The following CYTH4 variants were observed in gnomAD, a reference collection of about 807,000 sequenced individuals.
The protein encoded by CYTH4 is cytohesin-4.
Under a neutral mutation model 57.5 loss-of-function variants are expected in CYTH4, and 22 were observed. The observed-to-expected ratio is 0.38, with a 90% confidence interval of 0.27 to 0.55. CYTH4 has a LOEUF of 0.55. Among genes scored for constraint, CYTH4 ranks in the 20% least tolerant of loss-of-function variants. CYTH4 has a pLI of 0.74. For synonymous variants in CYTH4, 186 were observed against 206.5 expected (o/e 0.90, Z 0.85); for missense variants, 420 against 535.6 (o/e 0.78, Z 2.13).
intron 8 of CYTH4, among the ~76,000 whole-genome samples, chr22:37,308,901 CATGTATAT>C (rs1281791486): frequency 2.0e-5 from 3 of 151,940 alleles, no homozygotes; most frequent in Non-Finnish European, 4.4e-5. Context: ...TGTGTGTAAG[CATGTATAT>C]TTGTATATAT....
rs373910227 is a variant in CYTH4, at chr22:37,311,870, C to T, written c.958-150C>T. On this transcript the variant is annotated intron_variant, in intron 11 of 12. Coordinates refer to ENST00000248901, the MANE Select transcript of CYTH4 (RefSeq NM_013385.5). This position sits in a 1 kb window ranked among gnomAD's most constrained non-coding sequence, Gnocchi z 4.4. The stretch of plus-strand genomic sequence containing the variant: ...TCAGGAGCCTGCCACAGAGAGAGTG[C>T]TCAGTGTGGGAGCAGCAGCTCCTGC... 3.3e-4 allele frequency: 331 copies of T among 989,482 alleles called. 3 individuals are homozygous for T. Among genetic ancestry groups the T allele is most frequent in the East Asian group, 3.0e-3 (114 of 38,242 alleles). 61.3% of individuals were successfully genotyped at this position (989,482 alleles called of 1,614,324 possible).
rs1260533648 is a variant in CYTH4, at chr22:37,295,761, C to T, written c.168-238C>T. Among the ~76,000 whole-genome samples the T allele has an allele frequency of 6.6e-6, 1 of 152,256 alleles. No homozygotes were observed. Among genetic ancestry groups the T allele is most frequent in the Non-Finnish European group, 1.5e-5 (1 of 68,048 alleles). ...TTCTCCCACACGGCAGCTCCGGGTT[C>T]CTGCAAGCTGCTAAATGCCCGTGCT... On this transcript the variant is annotated intron_variant, in intron 3 of 12. Coordinates refer to ENST00000248901, the MANE Select transcript of CYTH4 (RefSeq NM_013385.5). This position sits in a 1 kb window ranked among gnomAD's most constrained non-coding sequence, Gnocchi z 4.1.
At chr22:37,287,828 A>G (rs935236329) in intron 1 of CYTH4, among the ~76,000 whole-genome samples, 1 of 152,168 alleles carries the variant, frequency 6.6e-6, no homozygotes, top group African/African-American at 2.4e-5. Flanking sequence ...TACCTACTTC[A>G]AAGAGGGTTA....
At chr22:37,305,748 G>C (rs572828715) in intron 8 of CYTH4, among the ~76,000 whole-genome samples, 1 of 152,338 alleles carries the variant, frequency 6.6e-6, no homozygotes, top group South Asian at 2.1e-4. Flanking sequence ...CATTAAGTGA[G>C]GAGGACATGT....
chr22:37,299,049 G>A (rs1254091908), intron 5 of CYTH4, among the ~76,000 whole-genome samples, 177 bp from the exon 6 acceptor site: 1 of 152,152 alleles, frequency 6.6e-6, no homozygotes, highest in African/African-American at 2.4e-5. Context: ...GGGAGGACAA[G>A]GGTGTGCCCT....
chr22:37,291,264 C>T (rs760029742), intron 1 of CYTH4, among the ~76,000 whole-genome samples: 4 of 152,126 alleles, frequency 2.6e-5, no homozygotes, highest in African/African-American at 4.8e-5. Context: ...TTCTCCACAC[C>T]GCTGCCTGGG....
chr22:37,299,580 T>C (rs1335917847), intron 6 of CYTH4, among the ~76,000 whole-genome samples: 1 of 152,208 alleles, frequency 6.6e-6, no homozygotes, highest in Non-Finnish European at 1.5e-5. Context: ...TATTACTTTA[T>C]TATGGTCATT....
At position 37,309,217 on chromosome 22, in the gene CYTH4, C is replaced by G. The variant is rs1929544685; in HGVS notation, c.702C>G (p.Leu234=). 5.0e-6 allele frequency: 8 copies of G among 1,614,058 alleles called. No homozygotes were observed. Among genetic ancestry groups the G allele is most frequent in the Non-Finnish European group, 6.8e-6 (8 of 1,179,926 alleles). ...TCTCCCTTGTCTTGGGGCAGAACCT[C>G]TTCGACAGCATCAAGAGTGAGCCAT... The part of the protein sequence containing the change: ...SDLPEDQLRN[L]FDSIKSEPFS... Residue 234 remains leucine, a synonymous_variant, in exon 9 of 13, where the codon CTC becomes CTG. Transcript: ENST00000248901.
rs1928627623 is a variant in CYTH4, at chr22:37,288,387, G to GCA, written c.20-4234_20-4233insCA. Among the ~76,000 whole-genome samples, 5 of 152,126 alleles carry GCA rather than the reference G, an allele frequency of 3.3e-5. No homozygotes were observed. The South Asian group carries it at 1.0e-3, about 32-fold the overall frequency. On this transcript the variant is annotated intron_variant, in intron 1 of 12. Coordinates refer to ENST00000248901, the MANE Select transcript of CYTH4 (RefSeq NM_013385.5). ...AGGTCGTGCCACTGCACTCCAGCCT[G>GCA]GTGACAGAGTGAGACTCTGTCTCAA... is the stretch of plus-strand genomic sequence containing the variant.
intron 6 of CYTH4, among the ~76,000 whole-genome samples, chr22:37,300,529 C>T (rs116959384): frequency 0.027 from 4,073 of 152,326 alleles, 84 homozygotes; most frequent in South Asian, 0.051. Flanking sequence ...CCCTGCCCCA[C>T]CTCTTCCCCA....
chr22:37,292,552 C>T (rs1159905376), intron 1 of CYTH4, 69 bp from the exon 2 acceptor site: 12 of 1,533,308 alleles, frequency 7.8e-6, no homozygotes, highest in Middle Eastern at 3.4e-4. Context: ...GAAGGGGGCC[C>T]TGCAGAAGTG....
At chr22:37,292,290 G>A (rs1928772241) in intron 1 of CYTH4, 2 of 286,636 alleles carry the variant, frequency 7.0e-6, no homozygotes, top group Admixed American at 1.0e-4. Flanking sequence ...ACTCTTTCTA[G>A]GTGCTGGGGA....
chr22:37,311,237 C>A lies in CYTH4; in HGVS notation c.885+173C>A, dbSNP rs1929629539. Among the ~76,000 whole-genome samples, 1 of 152,218 alleles carries A rather than the reference C, an allele frequency of 6.6e-6. No homozygotes were observed. Among genetic ancestry groups the A allele is most frequent in the South Asian group, 2.1e-4 (1 of 4,830 alleles). ...AACGGGTACACAGAGGAGGGCCGGG[C>A]CAAGGTCCTAGGCAGAGCCCAGGCT... On this transcript the variant is annotated intron_variant, in intron 10 of 12. Transcript: ENST00000248901. This position sits in a 1 kb window ranked among gnomAD's most constrained non-coding sequence, Gnocchi z 4.4.
intron 6 of CYTH4, 104 bp downstream of exon 6, chr22:37,299,410 A>T: frequency 9.9e-7 from 1 of 1,008,594 alleles, no homozygotes; most frequent in South Asian, 1.3e-5. Context: ...AAGGGTTGGG[A>T]GCAAAGAAGA....
chr22:37,300,855 G>T, intron 6 of CYTH4, 52 bp from the exon 7 acceptor site: 4 of 1,495,568 alleles, frequency 2.7e-6, no homozygotes, highest in Non-Finnish European at 3.7e-6. Flanking sequence ...GCTTGTCTGG[G>T]GCCCGCGAGG....
At chr22:37,290,431 G>C (rs1928709013) in intron 1 of CYTH4, among the ~76,000 whole-genome samples, 1 of 152,198 alleles carries the variant, frequency 6.6e-6, no homozygotes, top group African/African-American at 2.4e-5. Flanking sequence ...CTCTCCTTCA[G>C]TCCCGACGTT....
chr22:37,310,214 G>A (rs1929590756), intron 9 of CYTH4, among the ~76,000 whole-genome samples: 1 of 151,936 alleles, frequency 6.6e-6, no homozygotes, highest in Non-Finnish European at 1.5e-5. Flanking sequence ...AGAGCACTCG[G>A]CCGCCTGTCC....
rs373538297 is a variant in CYTH4 at position 37,299,212 on chromosome 22, G to A, written c.354-14G>A. 104 of 1,440,378 alleles carry A rather than the reference G, an allele frequency of 7.2e-5. No homozygotes were observed. In the East Asian group the frequency reaches 1.3e-3, roughly 18 times the overall value. The allele number at this position is 1,440,378 out of a possible 1,614,324, so 89.2% of individuals were successfully genotyped here. A position where few individuals can be genotyped will look rare whatever the true frequency, so the allele number is the denominator to read the frequency against. Reference sequence around the variant, plus strand: ...CCAAGTGTGTCCCACCCTCCCTTCCGCCTCCTCCCCCAGGGATCCCATCAA... The same window carrying A: ...CCAAGTGTGTCCCACCCTCCCTTCCACCTCCTCCCCCAGGGATCCCATCAA... On this transcript the variant is annotated splice_polypyrimidine_tract_variant and intron_variant, in intron 5 of 12. Transcript: ENST00000248901.
In CYTH4 at chr22:37,311,138, G is replaced by C; in HGVS notation, c.885+74G>C. The C allele has an allele frequency of 6.7e-7, 1 of 1,494,488 alleles. No individual in the cohort carries two copies. The highest frequency in any genetic ancestry group is 9.3e-7 in the Non-Finnish European group (1 of 1,073,692). The allele number at this position is 1,494,488 out of a possible 1,614,324, so 92.6% of individuals were successfully genotyped here. On this transcript the variant is annotated intron_variant, in intron 10 of 12. Transcript: ENST00000248901. This position sits in a 1 kb window ranked among gnomAD's most constrained non-coding sequence, Gnocchi z 4.4. ...CAACCCACTTCCCAACTCCCACTGA[G>C]CAGTCGACTCACACAGCTTTGGATC...
Sources: gnomAD v4.1 joint callset for allele counts (sites outside exome capture counted in the v4.1 genomes callset) on GRCh38, gnomAD v4.1.1 for gene constraint, Gnocchi (gnomAD v3.1) non-coding constraint, MANE v1.5 for transcripts, NCBI Gene and HGNC (gene_info 2026-07-23, HGNC 2026-07-21) for gene names.